The following RICTOR variants were observed in gnomAD, a reference collection of about 807,000 sequenced individuals.
RICTOR encodes RPTOR independent companion of MTOR complex 2.
Under a neutral mutation model 214.9 loss-of-function variants are expected in RICTOR, and 49 were observed. The observed-to-expected ratio is 0.23, with a 90% confidence interval of 0.18 to 0.29. RICTOR has a LOEUF of 0.29. RICTOR is among the 10% of genes least tolerant of loss of function. The pLI is 1.00. For missense variants in RICTOR, 1,625 were observed against 2,047.0 expected (o/e 0.79, Z 3.98); for synonymous variants, 717 against 711.3 (o/e 1.01, Z -0.13).
At chr5:39,060,543 C>T (rs377013776) in intron 2 of RICTOR, among the ~76,000 whole-genome samples, 1 of 151,996 alleles carries the variant, frequency 6.6e-6, no homozygotes, top group East Asian at 1.9e-4. Context: ...GTCTTCACCC[C>T]ACCCCAACAC....
chr5:38,955,843 C>A (rs1749214632), intron 25 of RICTOR, 139 bp from the exon 26 acceptor site: 1 of 594,302 alleles, frequency 1.7e-6, no homozygotes, highest in Non-Finnish European at 3.0e-6. Context: ...AAGCTTTTGG[C>A]TCAGGTTTCA....
At chr5:39,016,921 C>A (rs1755004484) in intron 3 of RICTOR, among the ~76,000 whole-genome samples, 1 of 152,082 alleles carries the variant, frequency 6.6e-6, no homozygotes, top group Non-Finnish European at 1.5e-5. Flanking sequence ...ATGTTTTATA[C>A]TAATTACATC....
intron 20 of RICTOR, among the ~76,000 whole-genome samples, 159 bp downstream of exon 20, chr5:38,960,239 C>T (rs1293600181): frequency 3.9e-5 from 6 of 151,958 alleles, no homozygotes; most frequent in South Asian, 2.1e-4. Context: ...GTGACTAAGT[C>T]GGGATTCAAC....
chr5:39,003,707 A>G, intron 3 of RICTOR, 85 bp from the exon 4 acceptor site: 1 of 756,278 alleles, frequency 1.3e-6, no homozygotes, highest in Non-Finnish European at 2.1e-6. Flanking sequence ...ACTGGAAAAT[A>G]AGGTATTTTT....
At chr5:38,990,211 AACC>A (rs1338448289) in intron 7 of RICTOR, among the ~76,000 whole-genome samples, 1 of 152,150 alleles carries the variant, frequency 6.6e-6, no homozygotes, top group African/African-American at 2.4e-5. Flanking sequence ...ATGAAGCTGG[AACC>A]TATCATTCTC....
intron 11 of RICTOR, chr5:38,971,017 G>C (rs1419656432): frequency 6.6e-6 from 1 of 151,702 alleles, no homozygotes; most frequent in South Asian, 2.1e-4. Context: ...ACTTTTTTTT[G>C]TTTTTTTGAG....
intron 2 of RICTOR, among the ~76,000 whole-genome samples, chr5:39,036,339 C>T (rs528099584): frequency 1.1e-4 from 17 of 152,274 alleles, no homozygotes; most frequent in Admixed American, 5.2e-4. Context: ...AAAGGAACAA[C>T]GGGTACCAGC....
At chr5:39,011,237 C>A (rs915043177) in intron 3 of RICTOR, among the ~76,000 whole-genome samples, 1 of 152,116 alleles carries the variant, frequency 6.6e-6, no homozygotes, top group African/African-American at 2.4e-5. Flanking sequence ...CAAGCCTTGG[C>A]AATTTACACA....
At chr5:39,072,352 G>C (rs1239044990) in intron 2 of RICTOR, among the ~76,000 whole-genome samples, 1 of 152,110 alleles carries the variant, frequency 6.6e-6, no homozygotes, top group Non-Finnish European at 1.5e-5. Context: ...TATCAAATCA[G>C]ATGTGTACCT....
chr5:39,066,115 C>T (rs1216847856), intron 2 of RICTOR, among the ~76,000 whole-genome samples: 1 of 152,268 alleles, frequency 6.6e-6, no homozygotes, highest in African/African-American at 2.4e-5. Flanking sequence ...TCTGCCTAGA[C>T]ACCCAGGCTT....
At chr5:38,964,653 A>C (rs1335870885) in intron 16 of RICTOR, 139 bp downstream of exon 16, 2 of 453,592 alleles carry the variant, frequency 4.4e-6, no homozygotes, top group Admixed American at 8.1e-5. Context: ...TAGAACTATT[A>C]ATTTTTCCTT....
At chr5:39,057,738 T>A (rs1326517616) in intron 2 of RICTOR, among the ~76,000 whole-genome samples, 1 of 152,110 alleles carries the variant, frequency 6.6e-6, no homozygotes, top group Non-Finnish European at 1.5e-5. Flanking sequence ...TAGTCTAGAC[T>A]CAGAGTCAGC....
In RICTOR at chr5:39,074,094, G is replaced by C. The variant is rs2150229676; in HGVS notation, c.97+17C>G. The C allele has an allele frequency of 6.4e-7, 1 of 1,552,242 alleles. No homozygotes were observed. The highest frequency in any genetic ancestry group is 8.7e-7 in the Non-Finnish European group (1 of 1,150,196). ...CCAGCAGCGCGCCCTCGCGGCGCCC[G>C]CGGCGCCCCGCGTTACCTCGGGTCA... On this transcript the variant is annotated intron_variant, in intron 2 of 37. Transcript: ENST00000357387.
intron 21 of RICTOR, 139 bp from the exon 22 acceptor site, chr5:38,959,460 G>T: frequency 1.7e-6 from 1 of 600,606 alleles, no homozygotes; most frequent in Non-Finnish European, 2.9e-6. Flanking sequence ...AACTTGATTT[G>T]ATATACACAT....
At chr5:38,989,167 A>G (rs1752399471) in intron 7 of RICTOR, among the ~76,000 whole-genome samples, 1 of 152,228 alleles carries the variant, frequency 6.6e-6, no homozygotes, top group Non-Finnish European at 1.5e-5. Flanking sequence ...AAACAGATAC[A>G]TAGGCCAATA....
chr5:39,057,386 G>A (rs777609657), intron 2 of RICTOR, among the ~76,000 whole-genome samples: 8 of 152,050 alleles, frequency 5.3e-5, no homozygotes, highest in Admixed American at 4.6e-4. Flanking sequence ...GGATGTCTGC[G>A]AAATTAATCC....
rs886732948 is a variant in RICTOR, at chr5:39,012,795, C to T, written c.195+8244G>A. The stretch of plus-strand genomic sequence containing the variant: ...AAATGCTAAATTATTAGACACCACA[C>T]TTTTCATTGGGTTTGGCACTCCCCA... On this transcript the variant is annotated intron_variant, in intron 3 of 37. Coordinates refer to ENST00000357387, the MANE Select transcript of RICTOR (RefSeq NM_152756.5). Among the ~76,000 whole-genome samples, 4 of 152,098 alleles carry T rather than the reference C, an allele frequency of 2.6e-5. No individual in the cohort carries two copies. The East Asian group carries it at 7.7e-4, about 29-fold the overall frequency.
chr5:38,945,716 A>G lies in RICTOR; in HGVS notation c.4408T>C (p.Ser1470Pro), dbSNP rs763579152. 35 of 1,559,290 alleles carry G rather than the reference A, an allele frequency of 2.2e-5. 1 individual carries two copies. Among genetic ancestry groups the G allele is most frequent in the South Asian group, 2.0e-4 (18 of 90,044 alleles). The change falls in exon 34 of 38, where the codon TCT (serine) becomes CCT (proline). Residue 1470 changes from serine to proline, a missense_variant. By Grantham distance (74) the Ser-to-Pro change is moderately conservative. Around this residue, in one of 5 missense-constraint regions of RICTOR, gnomAD observed 1,214 missense variants for 1,470.5 expected, o/e 0.83. Transcript: ENST00000357387. Reference sequence around the variant, plus strand: ...TTTTTTACAAGACCTCCAGTTCCAGATGGAAGACCTGTGCATAAGTAAATA... The same window carrying G: ...TTTTTTACAAGACCTCCAGTTCCAGGTGGAAGACCTGTGCATAAGTAAATA... ...AFAHDAGGLPSGTGGLVKNSF... is the reference protein window; with the variant it reads ...AFAHDAGGLPPGTGGLVKNSF...
At chr5:38,968,829 T>A (rs1750456053) in intron 11 of RICTOR, among the ~76,000 whole-genome samples, 1 of 151,740 alleles carries the variant, frequency 6.6e-6, no homozygotes, top group Non-Finnish European at 1.5e-5. Flanking sequence ...CATTCATGTA[T>A]ACTGCCCCTG....
Sources: allele counts gnomAD v4.1 joint callset (sites outside exome capture counted in the v4.1 genomes callset), GRCh38; gene constraint gnomAD v4.1.1; regional missense constraint gnomAD v4.1.1; transcripts MANE v1.5; gene names NCBI Gene and HGNC (gene_info 2026-07-23, HGNC 2026-07-21).